SYNPO2: variants seen among roughly 807,000 people sequenced by gnomAD.
The protein encoded by SYNPO2 is synaptopodin 2, also known as synaptopodin-2.
SYNPO2 carries 56 observed loss-of-function variants against 85.0 expected under a neutral mutation model. The observed-to-expected ratio is 0.66, with a 90% CI of 0.53 to 0.82. The LOEUF (loss-of-function observed/expected upper bound fraction) is 0.82, where lower values mean the gene tolerates loss of function less well. SYNPO2 is among the 40% of genes least tolerant of loss of function. SYNPO2 has a pLI of 0.00. For missense variants in SYNPO2, 1,575 were observed against 1,534.2 expected, an observed-to-expected ratio of 1.03 and a Z score of -0.44; for synonymous variants, 602 against 591.1, an observed-to-expected ratio of 1.02 and a Z score of -0.27.
chr4:118,900,212 T>G (rs978865132), intron 1 of SYNPO2, among the ~76,000 whole-genome samples: 1 of 152,246 alleles, frequency 6.6e-6, no homozygotes, highest in African/African-American at 2.4e-5. Flanking sequence ...AGAATTTTCT[T>G]TCATTTCTTT....
intron 1 of SYNPO2, among the ~76,000 whole-genome samples, chr4:118,859,174 A>G (rs1246800684): frequency 6.6e-6 from 1 of 152,226 alleles, no homozygotes; most frequent in East Asian, 1.9e-4. Flanking sequence ...GCAAATTTCC[A>G]TACATCCTTT....
intron 4 of SYNPO2, among the ~76,000 whole-genome samples, chr4:119,040,874 AG>A (rs1484279991): frequency 6.6e-6 from 1 of 152,242 alleles, no homozygotes; most frequent in East Asian, 1.9e-4. Context: ...ACACTGTCCT[AG>A]GACAAAGGGT....
intron 4 of SYNPO2, among the ~76,000 whole-genome samples, chr4:119,053,547 C>T (rs1739117046): frequency 6.6e-6 from 1 of 152,162 alleles, no homozygotes; most frequent in Non-Finnish European, 1.5e-5. Flanking sequence ...TTTTTGCTTT[C>T]AGCTTCAATC....
chr4:118,875,883 C>T (rs1731896395), intron 1 of SYNPO2, among the ~76,000 whole-genome samples: 1 of 152,172 alleles, frequency 6.6e-6, no homozygotes, highest in African/African-American at 2.4e-5. Context: ...TGGGCAGTGG[C>T]AATAACTTTA....
Position 119,057,715 on chromosome 4 carries a change from C to T in SYNPO2, c.3567C>T (p.Ala1189=), listed in dbSNP as rs765516998. The change falls in exon 5 of 5, where the codon GCC becomes GCT. Residue 1189 remains alanine, a synonymous_variant. Coordinates refer to ENST00000307142, the MANE Select transcript of SYNPO2 (RefSeq NM_133477.3). ...RLSYIPQTQK[A]YMGSCGRQEY... is the part of the protein sequence containing the mutation. ...CCTATATTCCTCAAACCCAGAAGGC[C>T]TATATGGGCTCATGTGGAAGGCAAG... 5 of 1,613,964 alleles carry T rather than the reference C, an allele frequency of 3.1e-6. No individual in the cohort carries two copies. In the African/African-American group the frequency reaches 6.7e-5, roughly 22 times the overall value.
At chr4:118,863,626 T>G (rs1731651805) in intron 1 of SYNPO2, among the ~76,000 whole-genome samples, 1 of 152,188 alleles carries the variant, frequency 6.6e-6, no homozygotes, top group Non-Finnish European at 1.5e-5. Context: ...TATCTTTTTT[T>G]TTTGAGATAG....
chr4:118,892,830 T>A (rs1732422163), intron 1 of SYNPO2, among the ~76,000 whole-genome samples: 1 of 152,180 alleles, frequency 6.6e-6, no homozygotes, highest in Admixed American at 6.5e-5. Flanking sequence ...CATTGTATAA[T>A]CCTTCATTTC....
rs1321047569 is a variant in SYNPO2 at position 119,031,250 on chromosome 4, T to C, written c.2475T>C (p.Ala825=). 6.2e-7 allele frequency: 1 copy of C among 1,614,148 alleles called. No homozygotes were observed. Among genetic ancestry groups the C allele is most frequent in the Admixed American group, 1.7e-5 (1 of 60,028 alleles). The change falls in exon 4 of 5, where the codon GCT becomes GCC. Residue 825 remains alanine, a synonymous_variant. Transcript: ENST00000307142. ...PARPASTLNV[A]GPFKGPQAAV... The stretch of plus-strand genomic sequence containing the variant: ...GGCCTGCAAGTACTTTGAACGTGGC[T>C]GGTCCCTTCAAAGGACCACAAGCAG...
intron 1 of SYNPO2, among the ~76,000 whole-genome samples, chr4:118,880,834 C>A (rs1732074820): frequency 6.6e-6 from 1 of 151,530 alleles, no homozygotes; most frequent in South Asian, 2.1e-4. Flanking sequence ...TAAAAATTAT[C>A]TTCACTCTTT....
intron 1 of SYNPO2, among the ~76,000 whole-genome samples, chr4:118,875,274 T>C (rs957873095): frequency 6.6e-6 from 1 of 152,344 alleles, no homozygotes; most frequent in African/African-American, 2.4e-5. Context: ...GGCATTTAGA[T>C]TGGAATAACA....
intron 1 of SYNPO2, among the ~76,000 whole-genome samples, chr4:118,864,295 T>A (rs186784102): frequency 1.3e-5 from 2 of 152,360 alleles, no homozygotes; most frequent in African/African-American, 4.8e-5. Context: ...TTTTATTCCA[T>A]TGTGGTCGGA....
chr4:118,944,331 T>G (rs1043323201), intron 1 of SYNPO2, among the ~76,000 whole-genome samples: 2 of 152,182 alleles, frequency 1.3e-5, no homozygotes, highest in African/African-American at 4.8e-5. Context: ...TCATACTTCT[T>G]GGGAAACTCT....
At chr4:118,919,357 A>G (rs1469219874) in intron 1 of SYNPO2, among the ~76,000 whole-genome samples, 3 of 152,152 alleles carry the variant, frequency 2.0e-5, no homozygotes, top group African/African-American at 7.2e-5. Context: ...GTACTTAGCC[A>G]TACTCCCCTC....
intron 1 of SYNPO2, among the ~76,000 whole-genome samples, chr4:118,868,819 C>T (rs141247284): frequency 1.4e-4 from 22 of 152,262 alleles, no homozygotes; most frequent in African/African-American, 4.1e-4. Flanking sequence ...AAACAAACTA[C>T]AGGAAAATAC....
intron 1 of SYNPO2, among the ~76,000 whole-genome samples, chr4:118,916,254 C>T (rs1294307005): frequency 6.6e-6 from 1 of 151,656 alleles, no homozygotes; most frequent in Non-Finnish European, 1.5e-5. Context: ...CTCACTGCAG[C>T]CTCAACCTGC....
At chr4:118,949,799 C>T (rs1029646784) in intron 1 of SYNPO2, among the ~76,000 whole-genome samples, 6 of 151,912 alleles carry the variant, frequency 3.9e-5, no homozygotes, top group Admixed American at 1.3e-4. Context: ...ACATGTCAAT[C>T]ACTGAACTAG....
chr4:118,997,163 C>G lies in SYNPO2; in HGVS notation c.106-26267C>G, dbSNP rs1275350534. On this transcript the variant is annotated intron_variant, in intron 1 of 4. Transcript: ENST00000307142. ...GCTGAGGCAGGAGAATGGCGTGAAC[C>G]CGGGAGGCGGAGCTTGCAGTGAGCC... Among the ~76,000 whole-genome samples the G allele has an allele frequency of 2.1e-5, 3 of 142,678 alleles. No individual in the cohort carries two copies. In the East Asian group the frequency reaches 6.2e-4, roughly 30 times the overall value. 93.6% of individuals were successfully genotyped at this position (142,678 alleles called of 152,430 possible).
chr4:119,039,949 G>A lies in SYNPO2; in HGVS notation c.3252+7922G>A, dbSNP rs116588348. ...GATTAAGAGTGTGGGCTCTAGGGCC[G>A]CGCTGCCTGCCTCTGAGTCCCAGGC... On this transcript the variant is annotated intron_variant, in intron 4 of 4. Transcript: ENST00000307142. 5.4e-3 allele frequency among the ~76,000 whole-genome samples: 823 copies of A among 152,264 alleles called. 11 individuals carry two copies. The highest frequency in any genetic ancestry group is 0.019 in the African/African-American group (776 of 41,526).
intron 1 of SYNPO2, among the ~76,000 whole-genome samples, chr4:118,922,939 T>C (rs933468217): frequency 5.9e-5 from 9 of 152,306 alleles, no homozygotes; most frequent in Admixed American, 5.9e-4. Context: ...GCTGGACTTA[T>C]CTATAAATAT....
Sources: allele counts gnomAD v4.1 joint callset (sites outside exome capture counted in the v4.1 genomes callset), GRCh38; gene constraint gnomAD v4.1.1; transcripts MANE v1.5; gene names NCBI Gene and HGNC (gene_info 2026-07-23, HGNC 2026-07-21).